Variants in ACCSL observed in about 807,000 individuals in gnomAD.
ACCSL encodes probable inactive 1-aminocyclopropane-1-carboxylate synthase-like protein 2.
A neutral mutation model predicts 61.7 loss-of-function variants in ACCSL; 55 were observed. That is an observed-to-expected ratio of 0.89 (90% CI 0.72 to 1.12). The LOEUF (loss-of-function observed/expected upper bound fraction) is 1.12. Among genes scored for constraint, ACCSL ranks in the 50% most tolerant of loss-of-function variants. ACCSL has a pLI of 0.00. For synonymous variants in ACCSL, 258 were observed against 264.3 expected (o/e 0.98, Z 0.23); for missense variants, 632 against 698.0 (o/e 0.91, Z 1.07).
the ACCSL span, among the ~76,000 whole-genome samples, chr11:44,013,828 T>C: frequency 6.6e-6 from 1 of 152,134 alleles, no homozygotes; most frequent in Non-Finnish European, 1.5e-5. Context: ...AAGTAAAAAG[T>C]AGCATTTGGG....
the ACCSL span, among the ~76,000 whole-genome samples, chr11:44,017,960 A>G: frequency 6.6e-6 from 1 of 152,132 alleles, no homozygotes; most frequent in Non-Finnish European, 1.5e-5. Flanking sequence ...TGATTTTTCC[A>G]TAAATCATAA....
the ACCSL span, among the ~76,000 whole-genome samples, chr11:44,007,319 C>T: frequency 6.6e-6 from 1 of 152,174 alleles, no homozygotes; most frequent in Admixed American, 6.5e-5. Flanking sequence ...TTCGGGCCCC[C>T]TTCCCAGCCA....
chr11:44,055,298 T>C lies in ACCSL; in HGVS notation c.1139+7T>C, dbSNP rs749829303. On this transcript the variant is annotated splice_region_variant and intron_variant, in intron 9 of 13. Transcript: ENST00000378832. ...GCATTCTGAGCATGAAAAGGTGAGC[T>C]GGTCTCAGCTGGAGTTGGGAACGAG... 6.2e-7 allele frequency: 1 copy of C among 1,608,532 alleles called. No individual in the cohort carries two copies. Among genetic ancestry groups the C allele is most frequent in the Non-Finnish European group, 8.5e-7 (1 of 1,175,544 alleles).
chr11:44,025,426 A>G, the ACCSL span, among the ~76,000 whole-genome samples: 1 of 152,260 alleles, frequency 6.6e-6, no homozygotes, highest in African/African-American at 2.4e-5. Context: ...ATAGTATACT[A>G]TACAAAAACT....
the ACCSL span, among the ~76,000 whole-genome samples, chr11:44,028,657 G>T: frequency 6.6e-6 from 1 of 152,252 alleles, no homozygotes; most frequent in East Asian, 1.9e-4. Flanking sequence ...AGCAGACAAA[G>T]CTTCTGCACC....
At chr11:43,959,033 G>A in the ACCSL span, among the ~76,000 whole-genome samples, 2,161 of 152,250 alleles carry the variant, frequency 0.014, 46 homozygotes, top group East Asian at 0.11. Context: ...CCTTTTATAA[G>A]GCACTAATCC....
intron 1 of ACCSL, 120 bp downstream of exon 1, chr11:44,048,660 C>T (rs964555191): frequency 3.0e-6 from 3 of 1,006,490 alleles, no homozygotes; most frequent in East Asian, 2.4e-5. Context: ...GAAACGGGCA[C>T]TCTTGTCATC....
the ACCSL span, among the ~76,000 whole-genome samples, chr11:43,981,857 C>T: frequency 3.9e-5 from 6 of 152,222 alleles, no homozygotes; most frequent in Non-Finnish European, 5.9e-5. Flanking sequence ...CCCCTCTCCC[C>T]GCCCAGGGCA....
At chr11:44,024,510 T>A in the ACCSL span, among the ~76,000 whole-genome samples, 2 of 151,522 alleles carry the variant, frequency 1.3e-5, no homozygotes, top group Non-Finnish European at 2.9e-5. Context: ...TCTGTTTCTC[T>A]GGACAACCCT....
the ACCSL span, among the ~76,000 whole-genome samples, chr11:43,942,035 CGTGTGTGTGTGTGTGTGTGTGTGTGTGT>C: frequency 3.3e-5 from 3 of 89,620 alleles, no homozygotes; most frequent in Admixed American, 9.5e-5. Context: ...TGCATTCGTG[CGTGTGTGTGTGTGTGTGTGTGTGTGTGT>C]GTGTGTGTGT....
the ACCSL span, among the ~76,000 whole-genome samples, chr11:43,973,438 CTAT>C: frequency 6.6e-6 from 1 of 151,712 alleles, no homozygotes; most frequent in African/African-American, 2.4e-5. Flanking sequence ...ATCTATCTAT[CTAT>C]CTATCTATCT....
the ACCSL span, among the ~76,000 whole-genome samples, chr11:43,980,766 T>C: frequency 6.6e-6 from 1 of 152,184 alleles, no homozygotes; most frequent in African/African-American, 2.4e-5. Context: ...AGCTTTTCAG[T>C]GTGTACCAAG....
At chr11:44,020,391 C>T in the ACCSL span, among the ~76,000 whole-genome samples, 3 of 152,216 alleles carry the variant, frequency 2.0e-5, no homozygotes, top group East Asian at 5.8e-4. Context: ...GAGCAGACAT[C>T]CTTCTATTGT....
At chr11:44,025,760 A>G in the ACCSL span, among the ~76,000 whole-genome samples, 1 of 151,980 alleles carries the variant, frequency 6.6e-6, no homozygotes, top group African/African-American at 2.4e-5. Flanking sequence ...AGTTACAAAA[A>G]AAATCTAGGA....
intron 1 of ACCSL, 104 bp from the exon 2 acceptor site, chr11:44,049,958 T>C: frequency 6.8e-7 from 1 of 1,477,756 alleles, no homozygotes; most frequent in Non-Finnish European, 9.4e-7. Context: ...TTGGATTGAA[T>C]TGCCTCATAG....
chr11:44,008,560 T>C, the ACCSL span, among the ~76,000 whole-genome samples: 5 of 152,210 alleles, frequency 3.3e-5, no homozygotes, highest in African/African-American at 1.2e-4. Flanking sequence ...ACAGTAAGCA[T>C]AGTGGTTAAG....
chr11:43,990,021 G>C, the ACCSL span, among the ~76,000 whole-genome samples: 9 of 152,214 alleles, frequency 5.9e-5, no homozygotes, highest in Non-Finnish European at 1.5e-5. Context: ...AGCCACCCAT[G>C]ATTCCTCCCT....
chr11:44,029,969 TTTTTATTTTATTTTATTTTATTTTA>T, the ACCSL span, among the ~76,000 whole-genome samples: 3,715 of 94,492 alleles, frequency 0.039, 99 homozygotes, highest in Middle Eastern at 0.089. Flanking sequence ...CTGGGCCTTG[TTTTTATTTTATTTTATTTTATTTTA>T]TTTTATTTTA....
chr11:43,937,840 C>G, the ACCSL span, among the ~76,000 whole-genome samples: 10 of 152,248 alleles, frequency 6.6e-5, no homozygotes, highest in Middle Eastern at 6.8e-3. Flanking sequence ...CTCCTGTAAT[C>G]GTTACAGGGG....
Sources: allele counts gnomAD v4.1 joint callset (sites outside exome capture counted in the v4.1 genomes callset), GRCh38; gene constraint gnomAD v4.1.1; transcripts MANE v1.5; gene names NCBI Gene and HGNC (gene_info 2026-07-23, HGNC 2026-07-21).